The following RSU1 variants were observed in gnomAD, a reference collection of about 807,000 sequenced individuals.
RSU1 encodes the protein rsu-1.
Under a neutral mutation model 31.1 loss-of-function variants are expected in RSU1, and 26 were observed. The observed-to-expected ratio is 0.84, with a 90% CI of 0.61 to 1.16. The LOEUF is 1.16. Among genes scored for constraint, RSU1 ranks in the 50% most tolerant of loss-of-function variants. RSU1 has a pLI of 0.00. For missense variants in RSU1, 320 were observed against 339.1 expected, an observed-to-expected ratio of 0.94 and a Z score of 0.44; for synonymous variants, 164 against 136.3, an observed-to-expected ratio of 1.20 and a Z score of -1.41.
At chr10:16,739,890 C>T (rs973140869) in intron 7 of RSU1, among the ~76,000 whole-genome samples, 7 of 151,998 alleles carry the variant, frequency 4.6e-5, no homozygotes, top group Admixed American at 3.3e-4. Flanking sequence ...GGATTACAGG[C>T]GTGAGCCACC....
intron 8 of RSU1, among the ~76,000 whole-genome samples, chr10:16,665,896 C>T (rs1247400075): frequency 3.3e-5 from 5 of 152,268 alleles, no homozygotes; most frequent in Admixed American, 6.5e-5. Flanking sequence ...GGCTGCTATG[C>T]AGTTATGAAT....
At chr10:16,695,896 G>A (rs1835664214) in intron 7 of RSU1, among the ~76,000 whole-genome samples, 1 of 152,068 alleles carries the variant, frequency 6.6e-6, no homozygotes, top group South Asian at 2.1e-4. Flanking sequence ...AGGCCATCAG[G>A]TTACATATCA....
chr10:16,792,639 C>T (rs557652459), intron 2 of RSU1, among the ~76,000 whole-genome samples: 3 of 152,336 alleles, frequency 2.0e-5, no homozygotes, highest in South Asian at 2.1e-4. Context: ...GCAGGCTGCA[C>T]TATTCCAATT....
chr10:16,751,945 G>A (rs532959355), intron 7 of RSU1, among the ~76,000 whole-genome samples: 1 of 152,200 alleles, frequency 6.6e-6, no homozygotes, highest in East Asian at 1.9e-4. Flanking sequence ...AAATAGGAAC[G>A]ACCTGGCAGA....
intron 8 of RSU1, among the ~76,000 whole-genome samples, chr10:16,679,550 G>A (rs758743435): frequency 1.3e-5 from 2 of 152,180 alleles, no homozygotes; most frequent in Non-Finnish European, 2.9e-5. Context: ...CTGAGGAAGC[G>A]ATATTTAACC....
At chr10:16,670,756 G>C (rs1835090390) in intron 8 of RSU1, among the ~76,000 whole-genome samples, 1 of 151,972 alleles carries the variant, frequency 6.6e-6, no homozygotes, top group Non-Finnish European at 1.5e-5. Flanking sequence ...CAGCACCATG[G>C]ATAGCGCCAC....
In RSU1 at chr10:16,668,834, C is replaced by T. The variant is rs116225620; in HGVS notation, c.731+26189G>A. On this transcript the variant is annotated intron_variant, in intron 8 of 8. Transcript: ENST00000345264. ...TTTTCCCACTGTGATGTCAATTTGC[C>T]GTTTCAAGAGTATCAGCCACTGACA... Among the ~76,000 whole-genome samples, 176 of 152,224 alleles carry T rather than the reference C, an allele frequency of 1.2e-3. 1 individual carries two copies. Among genetic ancestry groups the T allele is most frequent in the African/African-American group, 4.1e-3 (170 of 41,550 alleles).
intron 8 of RSU1, among the ~76,000 whole-genome samples, chr10:16,635,491 T>C (rs2131495732): frequency 6.6e-6 from 1 of 152,348 alleles, no homozygotes; most frequent in East Asian, 1.9e-4. Flanking sequence ...CAGCCTACCA[T>C]GCTGCTACTA....
intron 7 of RSU1, among the ~76,000 whole-genome samples, chr10:16,709,657 G>C (rs905059823): frequency 2.6e-5 from 4 of 152,166 alleles, no homozygotes. Flanking sequence ...TCCAGCACCT[G>C]TTGTTTCCTG....
At chr10:16,659,301 C>CTTT (rs869035739) in intron 8 of RSU1, among the ~76,000 whole-genome samples, 5 of 100,772 alleles carry the variant, frequency 5.0e-5, no homozygotes, top group Admixed American at 2.0e-4. Context: ...AGGTTATATT[C>CTTT]TTTTTTTTTT....
chr10:16,737,257 C>T (rs1836646453), intron 7 of RSU1, among the ~76,000 whole-genome samples: 1 of 151,492 alleles, frequency 6.6e-6, no homozygotes, highest in Non-Finnish European at 1.5e-5. Context: ...TTTATGAACA[C>T]TATAAACCCA....
chr10:16,751,003 C>T (rs1836968181), intron 7 of RSU1, among the ~76,000 whole-genome samples: 1 of 151,808 alleles, frequency 6.6e-6, no homozygotes, highest in Non-Finnish European at 1.5e-5. Flanking sequence ...GTAGCTGGGA[C>T]TACAGGCATG....
intron 3 of RSU1, among the ~76,000 whole-genome samples, chr10:16,770,106 G>C (rs1837393163): frequency 6.6e-6 from 1 of 152,096 alleles, no homozygotes; most frequent in African/African-American, 2.4e-5. Flanking sequence ...CAGGATGCTG[G>C]GTGGTAGTGA....
chr10:16,782,603 T>C (rs1263349610), intron 2 of RSU1, among the ~76,000 whole-genome samples: 1 of 152,218 alleles, frequency 6.6e-6, no homozygotes, highest in Non-Finnish European at 1.5e-5. Flanking sequence ...TGGTATCAGA[T>C]GATCAGAGTT....
chr10:16,804,333 G>A (rs1404647536), intron 2 of RSU1, among the ~76,000 whole-genome samples: 1 of 152,248 alleles, frequency 6.6e-6, no homozygotes, highest in Non-Finnish European at 1.5e-5. Flanking sequence ...TGGTGAGGAT[G>A]TGGAGCAACA....
intron 2 of RSU1, among the ~76,000 whole-genome samples, chr10:16,816,575 G>A (rs1195945901): frequency 1.3e-5 from 2 of 152,202 alleles, no homozygotes; most frequent in Admixed American, 1.3e-4. Flanking sequence ...CCAGGCACAA[G>A]AATGCTTATT....
intron 8 of RSU1, among the ~76,000 whole-genome samples, chr10:16,616,371 CAAAA>C (rs529296931): frequency 1.6e-4 from 15 of 90,966 alleles, no homozygotes; most frequent in South Asian, 5.2e-4. Flanking sequence ...GCCTACCAAC[CAAAA>C]AAAAAAAAAA....
intron 7 of RSU1, chr10:16,748,165 C>T (rs981440047): frequency 1.3e-5 from 2 of 152,212 alleles, no homozygotes; most frequent in Non-Finnish European, 2.9e-5. Flanking sequence ...AATCTAGTCT[C>T]TTACTGTTGT....
intron 7 of RSU1, chr10:16,727,026 C>T: frequency 2.2e-6 from 1 of 456,048 alleles, no homozygotes. Context: ...GCTTTAACAA[C>T]TTACCTGAAG....
Sources: gnomAD v4.1 joint callset for allele counts (sites outside exome capture counted in the v4.1 genomes callset) on GRCh38, gnomAD v4.1.1 for gene constraint, MANE v1.5 for transcripts, NCBI Gene and HGNC (gene_info 2026-07-23, HGNC 2026-07-21) for gene names.